Variants in RHOH observed in about 807,000 individuals in gnomAD.
The protein encoded by RHOH is ras homolog family member H.
RHOH carries 6 observed loss-of-function variants against 13.8 expected under a neutral mutation model. The ratio of observed to expected loss-of-function variants is 0.44; its 90% CI spans 0.24 to 0.86. The LOEUF (loss-of-function observed/expected upper bound fraction) is 0.86, where lower values mean the gene tolerates loss of function less well. Ranked by LOEUF, RHOH falls within the 40% of genes least tolerant of loss-of-function variation. The probability of loss-of-function intolerance (pLI) is 0.24; values close to 1 mark genes in which losing one functional copy is unlikely to be tolerated. For missense variants in RHOH, 147 were observed against 244.5 expected (o/e 0.60, Z 2.66); for synonymous variants, 117 against 103.0 (o/e 1.14, Z -0.82).
At chr4:40,220,680 C>CTTAAA in intron 1 of RHOH, among the ~76,000 whole-genome samples, 1 of 152,286 alleles carries the variant, frequency 6.6e-6, no homozygotes, top group South Asian at 2.1e-4. Context: ...TCTTCTGCCC[C>CTTAAA]ATTAGGCTCC....
upstream of RHOH, among the ~76,000 whole-genome samples, chr4:40,194,219 T>TTTA (rs139835778): frequency 1.5e-4 from 21 of 143,376 alleles, no homozygotes; most frequent in East Asian, 3.9e-4. Flanking sequence ...GTCATTTTTC[T>TTTA]TTATTATTAT....
At chr4:40,224,402 G>C (rs1726980526) in intron 1 of RHOH, among the ~76,000 whole-genome samples, 2 of 152,202 alleles carry the variant, frequency 1.3e-5, no homozygotes, top group African/African-American at 4.8e-5. Context: ...TCAGTACAAC[G>C]TGTTGAAAGA....
At chr4:40,200,745 C>T (rs1011520723) in intron 1 of RHOH, among the ~76,000 whole-genome samples, 4 of 152,182 alleles carry the variant, frequency 2.6e-5, no homozygotes, top group Non-Finnish European at 4.4e-5. Context: ...CATTTTAACA[C>T]GCAAACGTAC....
chr4:40,200,644 T>C (rs1483388865), intron 1 of RHOH: 1 of 152,224 alleles, frequency 6.6e-6, no homozygotes, highest in Non-Finnish European at 1.5e-5. Context: ...GCAAGTATTT[T>C]CCTTTGTTTT....
At chr4:40,230,762 A>G (rs1487629961) in intron 1 of RHOH, among the ~76,000 whole-genome samples, 1 of 152,112 alleles carries the variant, frequency 6.6e-6, no homozygotes, top group East Asian at 1.9e-4. Context: ...AGAATTATTC[A>G]GCTTTGCTCA....
chr4:40,212,559 A>C (rs1725391884), intron 1 of RHOH: 2 of 152,184 alleles, frequency 1.3e-5, no homozygotes, highest in African/African-American at 4.8e-5. Context: ...GATTTTTTAA[A>C]AAACTTCCTT....
intron 1 of RHOH, among the ~76,000 whole-genome samples, chr4:40,215,184 A>G (rs1490065738): frequency 2.0e-5 from 3 of 152,178 alleles, no homozygotes; most frequent in African/African-American, 4.8e-5. Context: ...ACGAGACATC[A>G]GGGGTATCAG....
intron 1 of RHOH, among the ~76,000 whole-genome samples, chr4:40,237,781 G>A (rs1037511717): frequency 6.6e-6 from 1 of 152,092 alleles, no homozygotes; most frequent in Non-Finnish European, 1.5e-5. Flanking sequence ...ACTGGCGATG[G>A]ACTCATATTT....
At chr4:40,204,327 G>A (rs1350151166) in intron 1 of RHOH, among the ~76,000 whole-genome samples, 1 of 152,186 alleles carries the variant, frequency 6.6e-6, no homozygotes, top group African/African-American at 2.4e-5. Context: ...CATTGGAGGC[G>A]CAAGTCACAG....
chr4:40,212,461 T>G (rs184388163), intron 1 of RHOH, among the ~76,000 whole-genome samples: 1 of 152,318 alleles, frequency 6.6e-6, no homozygotes, highest in Admixed American at 6.5e-5. Flanking sequence ...CAACGAGGGC[T>G]TGCACTTAGC....
At chr4:40,198,657 G>C (rs944450258) in intron 1 of RHOH, among the ~76,000 whole-genome samples, 1 of 152,186 alleles carries the variant, frequency 6.6e-6, no homozygotes, top group Non-Finnish European at 1.5e-5. Context: ...AGAAAGGTTC[G>C]TGTGGCTCGG....
upstream of RHOH, chr4:40,193,160 G>C (rs961999855): frequency 2.0e-5 from 3 of 152,418 alleles, no homozygotes; most frequent in African/African-American, 7.2e-5. Context: ...ACGTGCTATG[G>C]AGCCCTTGGG....
chr4:40,203,926 C>T (rs998869939), intron 1 of RHOH, among the ~76,000 whole-genome samples: 4 of 151,888 alleles, frequency 2.6e-5, no homozygotes, highest in Non-Finnish European at 4.4e-5. Flanking sequence ...GGGAGTGCTA[C>T]GGACAGAAAA....
chr4:40,197,191 C>G lies in RHOH; in HGVS notation c.-440C>G, dbSNP rs1723240758. On this transcript the variant is annotated 5_prime_UTR_variant, in exon 1 of 3. Transcript: ENST00000381799. ...GTTGATCCTATGAGGAAATCAACCA[C>G]AGTGAAAAGGCTTGGGCCGCTTTTG... 1 of 152,218 alleles carries G rather than the reference C, an allele frequency of 6.6e-6. No homozygotes were observed. Among genetic ancestry groups the G allele is most frequent in the Non-Finnish European group, 1.5e-5 (1 of 68,050 alleles). The allele number at this position is 152,218 out of a possible 1,614,324, so 9.4% of individuals were successfully genotyped here.
chr4:40,217,136 C>T (rs1375605073), intron 1 of RHOH, among the ~76,000 whole-genome samples: 1 of 152,186 alleles, frequency 6.6e-6, no homozygotes, highest in South Asian at 2.1e-4. Flanking sequence ...GAGAAGGGAA[C>T]TTACAGACCT....
chr4:40,220,768 G>A (rs1726463195), intron 1 of RHOH, among the ~76,000 whole-genome samples: 1 of 152,134 alleles, frequency 6.6e-6, no homozygotes, highest in African/African-American at 2.4e-5. Flanking sequence ...GATTTGAAAT[G>A]TCATGTTAAT....
chr4:40,225,462 AAC>A (rs1727108971), intron 1 of RHOH, among the ~76,000 whole-genome samples: 1 of 152,208 alleles, frequency 6.6e-6, no homozygotes, highest in Non-Finnish European at 1.5e-5. Context: ...ATAAAAAATA[AAC>A]AGTCTGTTCC....
chr4:40,244,276 T>G lies in RHOH; in HGVS notation c.*314T>G. On this transcript the variant is annotated 3_prime_UTR_variant, in exon 3 of 3. Transcript: ENST00000381799. ...TGAGTTTTTCAAAGAATTCCATATT[T>G]AAAGACACATTTTATTTAACTAATA... 1 of 297,322 alleles carries G rather than the reference T, an allele frequency of 3.4e-6. No homozygotes were observed. 18.4% of individuals were successfully genotyped at this position (297,322 alleles called of 1,614,324 possible). A position where few individuals can be genotyped will look rare whatever the true frequency, so the allele number is the denominator to read the frequency against.
chr4:40,229,849 A>C (rs771573768), intron 1 of RHOH, among the ~76,000 whole-genome samples: 3 of 152,074 alleles, frequency 2.0e-5, no homozygotes, highest in Non-Finnish European at 2.9e-5. Context: ...TAAATCCCTG[A>C]CATCTTATTG....
Sources: allele counts gnomAD v4.1 joint callset (sites outside exome capture counted in the v4.1 genomes callset), GRCh38; gene constraint gnomAD v4.1.1; transcripts MANE v1.5; gene names NCBI Gene and HGNC (gene_info 2026-07-23, HGNC 2026-07-21).